Variants in CACNA2D3 observed in about 807,000 individuals in gnomAD.
CACNA2D3 encodes voltage-dependent calcium channel subunit alpha-2/delta-3.
CACNA2D3 carries 60 observed loss-of-function variants against 160.6 expected under a neutral mutation model. That is an observed-to-expected ratio of 0.37 (90% CI 0.30 to 0.46). The LOEUF (loss-of-function observed/expected upper bound fraction) is 0.46, where lower values mean the gene tolerates loss of function less well. CACNA2D3 is among the 20% of genes least tolerant of loss of function. The pLI is 1.00. For synonymous variants in CACNA2D3, 558 were observed against 492.9 expected (o/e 1.13, Z -1.75); for missense variants, 1,205 against 1,365.0 (o/e 0.88, Z 1.85).
chr3:54,966,502 G>A (rs781259023), intron 27 of CACNA2D3, among the ~76,000 whole-genome samples: 3 of 152,244 alleles, frequency 2.0e-5, no homozygotes, highest in Middle Eastern at 3.4e-3. Flanking sequence ...TTGGCTGTGC[G>A]TGAGAATCAT....
chr3:54,367,192 A>ATT (rs35577807), intron 3 of CACNA2D3, among the ~76,000 whole-genome samples: 45 of 151,872 alleles, frequency 3.0e-4, no homozygotes, highest in African/African-American at 1.1e-3. Context: ...TTTCTTAGAG[A>ATT]TTTTTTTTTA....
intron 9 of CACNA2D3, among the ~76,000 whole-genome samples, chr3:54,624,891 C>T (rs1699062528): frequency 6.6e-6 from 1 of 152,192 alleles, no homozygotes; most frequent in African/African-American, 2.4e-5. Flanking sequence ...TCATGGTGGT[C>T]ACAAGCCTGA....
At chr3:54,929,336 C>T (rs1701122183) in intron 27 of CACNA2D3, among the ~76,000 whole-genome samples, 1 of 152,216 alleles carries the variant, frequency 6.6e-6, no homozygotes, top group African/African-American at 2.4e-5. Context: ...GATTTGTATG[C>T]TGCCAACTTC....
rs868153307 is a variant in CACNA2D3 at position 54,665,789 on chromosome 3, A to T, written c.1167+23548A>T. 2.7e-3 allele frequency among the ~76,000 whole-genome samples: 358 copies of T among 134,690 alleles called. 1 individual carries two copies. The highest frequency in any genetic ancestry group is 8.9e-3 in the African/African-American group (329 of 36,856). The allele number at this position is 134,690 out of a possible 152,430, so 88.4% of individuals were successfully genotyped here. A position where few individuals can be genotyped will look rare whatever the true frequency, so the allele number is the denominator to read the frequency against. ...TGGATGGGTGAGACAGAGGATGGTT[A>T]TTTTTTTTTTTTTTTTTGAGACAGG... is the stretch of plus-strand genomic sequence containing the variant. On this transcript the variant is annotated intron_variant, in intron 11 of 37. Transcript: ENST00000474759.
intron 11 of CACNA2D3, among the ~76,000 whole-genome samples, chr3:54,722,057 T>C (rs930919100): frequency 6.6e-6 from 1 of 152,232 alleles, no homozygotes; most frequent in Non-Finnish European, 1.5e-5. Flanking sequence ...CAATCAAATG[T>C]AGATTTGGTC....
chr3:54,885,324 A>G lies in CACNA2D3; in HGVS notation c.1956A>G (p.Glu652=), dbSNP rs10510774. ...LEHPDVSLAD[E]WSYCNTDLHP... is the part of the protein sequence containing the mutation. The stretch of plus-strand genomic sequence containing the variant: ...ATCCCGATGTGTCCTTGGCAGATGA[A>G]TGGTAAGAATTAAACCATCCCTCCT... Residue 652 remains glutamate (E), a splice_region_variant and synonymous_variant, in exon 22 of 38, where the codon GAA becomes GAG. Transcript: ENST00000474759. 0.13 allele frequency: 206,744 copies of G among 1,613,328 alleles called. 14,701 individuals are homozygous for G. The highest frequency in any genetic ancestry group is 0.15 in the Non-Finnish European group (172,334 of 1,179,350).
chr3:54,144,192 CT>C (rs2107271594), intron 2 of CACNA2D3, among the ~76,000 whole-genome samples: 1 of 152,310 alleles, frequency 6.6e-6, no homozygotes, highest in Non-Finnish European at 1.5e-5. Flanking sequence ...AGCATATCCC[CT>C]ATTACTCATC....
chr3:54,378,926 C>T (rs1005654572), intron 3 of CACNA2D3, among the ~76,000 whole-genome samples: 3 of 152,142 alleles, frequency 2.0e-5, no homozygotes, highest in Non-Finnish European at 4.4e-5. Context: ...ACACTGATAA[C>T]GGGTATTAAT....
At chr3:54,730,839 C>T (rs780435276) in intron 11 of CACNA2D3, among the ~76,000 whole-genome samples, 59 of 152,184 alleles carry the variant, frequency 3.9e-4, no homozygotes, top group Non-Finnish European at 3.4e-4. Context: ...GTGAGTATGA[C>T]TTGGTCATAC....
At chr3:54,393,567 T>A (rs1452622698) in intron 4 of CACNA2D3, among the ~76,000 whole-genome samples, 3 of 152,126 alleles carry the variant, frequency 2.0e-5, no homozygotes, top group Non-Finnish European at 4.4e-5. Flanking sequence ...TACCTACCCC[T>A]CCCAGTCACT....
chr3:54,937,383 G>T (rs1575391325), intron 27 of CACNA2D3, among the ~76,000 whole-genome samples: 1 of 152,292 alleles, frequency 6.6e-6, no homozygotes, highest in East Asian at 1.9e-4. Context: ...ATATGAGGGG[G>T]ATTGGTTCCA....
chr3:54,879,401 A>T lies in CACNA2D3; in HGVS notation c.1834A>T (p.Thr612Ser). 1 of 1,607,546 alleles carries T rather than the reference A, an allele frequency of 6.2e-7. No homozygotes were observed. The highest frequency in any genetic ancestry group is 8.5e-7 in the Non-Finnish European group (1 of 1,176,842). ...NDYYYTDIKG[T>S]PFSLGVALSR... ...CTACTATTATACAGACATCAAGGGT[A>T]CTCCTTTCAGGTAGAGCTGACCATA... The change falls in exon 20 of 38, where the codon ACT becomes TCT. Residue 612 changes from threonine (T) to serine (S), a missense_variant. By Grantham distance (58) the Thr-to-Ser change is moderately conservative (BLOSUM62 1). Coordinates refer to ENST00000474759, the MANE Select transcript of CACNA2D3 (RefSeq NM_018398.3).
At chr3:54,365,353 A>G (rs1332184315) in intron 3 of CACNA2D3, among the ~76,000 whole-genome samples, 1 of 152,236 alleles carries the variant, frequency 6.6e-6, no homozygotes, top group Non-Finnish European at 1.5e-5. Context: ...AACTGAAGGT[A>G]GAAAATGTGT....
chr3:54,874,779 C>G (rs972096411), intron 18 of CACNA2D3: 1 of 152,230 alleles, frequency 6.6e-6, no homozygotes, highest in South Asian at 2.1e-4. Context: ...CTTGGATATT[C>G]CATGGAGAGA....
At chr3:54,946,790 A>T (rs973285605) in intron 27 of CACNA2D3, among the ~76,000 whole-genome samples, 2 of 151,122 alleles carry the variant, frequency 1.3e-5, no homozygotes, top group African/African-American at 4.9e-5. Context: ...GGTAAGACAT[A>T]CAACTTTGGA....
chr3:54,276,107 C>T (rs1236036192), intron 2 of CACNA2D3, among the ~76,000 whole-genome samples: 1 of 152,126 alleles, frequency 6.6e-6, no homozygotes, highest in East Asian at 1.9e-4. Context: ...CCCCTCCCTG[C>T]AGGGATGGGT....
chr3:54,721,621 C>T (rs771812849), intron 11 of CACNA2D3, among the ~76,000 whole-genome samples: 12 of 151,830 alleles, frequency 7.9e-5, no homozygotes, highest in Admixed American at 3.9e-4. Flanking sequence ...ATTAGCCAGG[C>T]GTGGTGGTAG....
At chr3:54,389,076 G>T (rs919365746) in intron 4 of CACNA2D3, among the ~76,000 whole-genome samples, 1 of 152,078 alleles carries the variant, frequency 6.6e-6, no homozygotes, top group Non-Finnish European at 1.5e-5. Context: ...AGGCCAAGGC[G>T]GGTGTATCAG....
At chr3:54,573,468 C>T (rs1480122696) in intron 8 of CACNA2D3, among the ~76,000 whole-genome samples, 4 of 152,152 alleles carry the variant, frequency 2.6e-5, no homozygotes, top group Admixed American at 6.5e-5. Context: ...ACAGTCTTTT[C>T]GCAAAAATGG....
Sources: allele counts gnomAD v4.1 joint callset (sites outside exome capture counted in the v4.1 genomes callset), GRCh38; gene constraint gnomAD v4.1.1; transcripts MANE v1.5; gene names NCBI Gene and HGNC (gene_info 2026-07-23, HGNC 2026-07-21).